The following ZPBP variants were observed in gnomAD, a reference collection of about 807,000 sequenced individuals.
ZPBP encodes zona pellucida binding protein.
In ZPBP, 26 loss-of-function variants were observed where a neutral mutation model predicts 44.8. The ratio of observed to expected loss-of-function variants is 0.58; its 90% CI spans 0.43 to 0.81. The LOEUF is 0.81. ZPBP is among the 30% of genes least tolerant of loss of function. ZPBP has a pLI of 0.00. For synonymous variants in ZPBP, 174 were observed against 153.2 expected, an observed-to-expected ratio of 1.14 and a Z score of -1.00; for missense variants, 409 against 434.0, an observed-to-expected ratio of 0.94 and a Z score of 0.51.
chr7:49,850,647 G>A (rs1288599414), intron 2 of ZPBP: 2 of 152,210 alleles, frequency 1.3e-5, no homozygotes, highest in African/African-American at 4.8e-5. Flanking sequence ...TCAACTGTTT[G>A]TGATTAGGAG....
At chr7:49,908,173 G>T (rs551620343) in intron 1 of ZPBP, among the ~76,000 whole-genome samples, 1 of 152,322 alleles carries the variant, frequency 6.6e-6, no homozygotes. Context: ...GCTACAAAAA[G>T]TCTGTTTTGT....
chr7:50,006,638 C>T (rs1486125359), intron 6 of ZPBP, among the ~76,000 whole-genome samples: 1 of 151,840 alleles, frequency 6.6e-6, no homozygotes, highest in African/African-American at 2.4e-5. Context: ...ACCTTTACAA[C>T]CTAGAGAATT....
chr7:49,980,005 A>G (rs866578862), intron 7 of ZPBP, among the ~76,000 whole-genome samples: 5 of 96,886 alleles, frequency 5.2e-5, no homozygotes, highest in African/African-American at 2.2e-4. Context: ...ATTATATATT[A>G]TATATATTAT....
intron 6 of ZPBP, among the ~76,000 whole-genome samples, chr7:50,007,289 A>G (rs577400819): frequency 2.0e-5 from 3 of 152,056 alleles, no homozygotes; most frequent in South Asian, 4.1e-4. Flanking sequence ...GATAACCTAG[A>G]TAAAATGGAC....
intron 3 of ZPBP, among the ~76,000 whole-genome samples, chr7:50,077,873 C>T (rs994874584): frequency 6.6e-6 from 1 of 151,840 alleles, no homozygotes; most frequent in African/African-American, 2.4e-5. Context: ...ACATATGATC[C>T]AGCAATCTCC....
intron 1 of ZPBP, among the ~76,000 whole-genome samples, chr7:49,909,255 C>T (rs765896771): frequency 4.3e-4 from 66 of 152,110 alleles, no homozygotes; most frequent in Non-Finnish European, 8.1e-4. Flanking sequence ...GTGCAAAGCA[C>T]GATGACAGAT....
At position 49,966,902 on chromosome 7, in the gene ZPBP, A is replaced by G. The variant is rs574591356; in HGVS notation, c.961+16440T>C. The stretch of plus-strand genomic sequence containing the variant: ...CCATGGCATACACAGGAGACCCACA[A>G]GATTTTTCAGAATGCTTTATCAATG... On this transcript the variant is annotated intron_variant, in intron 7 of 7. Transcript: ENST00000046087. Among the ~76,000 whole-genome samples, 5 of 152,244 alleles carry G rather than the reference A, an allele frequency of 3.3e-5. No homozygotes were observed. In the South Asian group the frequency reaches 1.0e-3, roughly 32 times the overall value.
chr7:49,891,609 A>G (rs2128730688), intron 2 of ZPBP, among the ~76,000 whole-genome samples: 1 of 152,308 alleles, frequency 6.6e-6, no homozygotes, highest in South Asian at 2.1e-4. Flanking sequence ...ATAAAATATA[A>G]CAATAAAAAA....
At chr7:50,007,340 A>T (rs1283963342) in intron 6 of ZPBP, among the ~76,000 whole-genome samples, 1 of 152,110 alleles carries the variant, frequency 6.6e-6, no homozygotes, top group Non-Finnish European at 1.5e-5. Context: ...CTGCATCATG[A>T]AGAAACAGAA....
intron 2 of ZPBP, among the ~76,000 whole-genome samples, chr7:49,853,150 T>C (rs1790264379): frequency 6.6e-6 from 1 of 152,232 alleles, no homozygotes; most frequent in African/African-American, 2.4e-5. Flanking sequence ...ACAGGAGCAG[T>C]CACTGGGGTG....
At chr7:49,983,894 CACA>C (rs1270111030) in intron 6 of ZPBP, among the ~76,000 whole-genome samples, 3 of 151,736 alleles carry the variant, frequency 2.0e-5, no homozygotes, top group African/African-American at 4.8e-5. Flanking sequence ...TATCCTGAGG[CACA>C]ACATCAACTC....
intron 3 of ZPBP, among the ~76,000 whole-genome samples, chr7:50,061,099 T>A (rs1394401406): frequency 6.6e-6 from 1 of 152,228 alleles, no homozygotes; most frequent in African/African-American, 2.4e-5. Flanking sequence ...AGCCATTCAA[T>A]GAAATTCAAC....
At chr7:50,090,660 CACAT>C (rs1259845685) in intron 1 of ZPBP, among the ~76,000 whole-genome samples, 8 of 152,002 alleles carry the variant, frequency 5.3e-5, no homozygotes, top group Non-Finnish European at 1.0e-4. Flanking sequence ...CACACACACA[CACAT>C]ATATATATAC....
At chr7:49,925,971 T>C (rs545205085) in intron 1 of ZPBP, among the ~76,000 whole-genome samples, 8 of 152,368 alleles carry the variant, frequency 5.3e-5, no homozygotes, top group Non-Finnish European at 1.0e-4. Context: ...TCAGCGAATG[T>C]AGCTTACTTG....
At chr7:49,912,447 T>TTA (rs1481554808) in intron 1 of ZPBP, 3 of 322,542 alleles carry the variant, frequency 9.3e-6, no homozygotes, top group African/African-American at 6.4e-5. Flanking sequence ...AAGTACACTA[T>TTA]TATATATCAA....
chr7:49,844,500 A>G, the ZPBP span, among the ~76,000 whole-genome samples: 4 of 152,286 alleles, frequency 2.6e-5, no homozygotes, highest in Middle Eastern at 3.4e-3. Context: ...TACTCAATTA[A>G]TTGTATATCC....
At chr7:49,933,761 A>G, downstream of ZPBP, among the ~76,000 whole-genome samples, 1 of 152,126 alleles carries the variant, frequency 6.6e-6, no homozygotes, top group East Asian at 1.9e-4. Context: ...AGGGACATGG[A>G]TGAAGCTGGA....
intron 2 of ZPBP, among the ~76,000 whole-genome samples, chr7:49,866,777 C>T (rs1287688313): frequency 6.6e-6 from 1 of 152,206 alleles, no homozygotes; most frequent in Non-Finnish European, 1.5e-5. Context: ...ACACAAAGCG[C>T]AGCTTCCCTT....
chr7:49,896,946 A>T (rs1262987990), intron 2 of ZPBP, among the ~76,000 whole-genome samples: 1 of 140,126 alleles, frequency 7.1e-6, no homozygotes, highest in Non-Finnish European at 1.5e-5. Context: ...CGGACTGCAG[A>T]CTGCAGTGGC....
Sources: gnomAD v4.1 joint callset for allele counts (sites outside exome capture counted in the v4.1 genomes callset) on GRCh38, gnomAD v4.1.1 for gene constraint, MANE v1.5 for transcripts, NCBI Gene and HGNC (gene_info 2026-07-23, HGNC 2026-07-21) for gene names.